Variants in MACO1 observed in about 807,000 individuals in gnomAD.
MACO1 encodes macoilin.
A neutral mutation model predicts 78.7 loss-of-function variants in MACO1; 14 were observed. That is an observed-to-expected ratio of 0.18 (90% CI 0.12 to 0.28). The LOEUF (loss-of-function observed/expected upper bound fraction) is 0.28. MACO1 is among the 10% of genes least tolerant of loss of function. The probability of loss-of-function intolerance (pLI) is 1.00; values close to 1 mark genes in which losing one functional copy is unlikely to be tolerated. For missense variants in MACO1, 501 were observed against 799.0 expected (o/e 0.63, Z 4.50); for synonymous variants, 288 against 291.6 (o/e 0.99, Z 0.12).
intron 6 of MACO1, among the ~76,000 whole-genome samples, chr1:25,469,488 C>T (rs963952285): frequency 2.0e-5 from 3 of 152,128 alleles, no homozygotes; most frequent in Admixed American, 6.6e-5. Flanking sequence ...ATGTTAAAAA[C>T]GATCAGCTTT....
At chr1:25,463,028 A>G (rs923814795) in intron 6 of MACO1, among the ~76,000 whole-genome samples, 1 of 152,198 alleles carries the variant, frequency 6.6e-6, no homozygotes, top group Non-Finnish European at 1.5e-5. Flanking sequence ...TATGGCCTGC[A>G]AAGCCAAAAG....
intron 6 of MACO1, among the ~76,000 whole-genome samples, chr1:25,466,002 C>T (rs1448320953): frequency 6.6e-6 from 1 of 151,528 alleles, no homozygotes; most frequent in African/African-American, 2.5e-5. Context: ...TTTCTTTATC[C>T]AGTCATCCAT....
At chr1:25,457,979 T>C (rs1462141165) in intron 5 of MACO1, among the ~76,000 whole-genome samples, 1 of 152,202 alleles carries the variant, frequency 6.6e-6, no homozygotes, top group Non-Finnish European at 1.5e-5. Context: ...AGTAAAGTTA[T>C]TAACAGTTCG....
In MACO1 at chr1:25,459,477, A is replaced by G. The variant is rs1021052599; in HGVS notation, c.1154+585A>G. Among the ~76,000 whole-genome samples the G allele has an allele frequency of 5.0e-4, 64 of 127,158 alleles. 1 individual carries two copies. The highest frequency in any genetic ancestry group is 1.5e-4 in the Non-Finnish European group (9 of 59,306). 83.4% of individuals were successfully genotyped at this position (127,158 alleles called of 152,430 possible). On this transcript the variant is annotated intron_variant, in intron 6 of 10. Transcript: ENST00000374343. Reference sequence around the variant, plus strand: ...TTAGGAATGTTGCTTTTCTCATTTTAATTAAAAGAATTTTTTTTTTTTTTT... The same window carrying G: ...TTAGGAATGTTGCTTTTCTCATTTTGATTAAAAGAATTTTTTTTTTTTTTT...
chr1:25,482,615 G>C (rs943533278), intron 6 of MACO1, among the ~76,000 whole-genome samples: 1 of 152,106 alleles, frequency 6.6e-6, no homozygotes, highest in African/African-American at 2.4e-5. Context: ...ATCTCTACCT[G>C]CTCTGCAAAG....
intron 6 of MACO1, among the ~76,000 whole-genome samples, chr1:25,460,368 ATC>A (rs747385126): frequency 6.6e-6 from 1 of 151,518 alleles, no homozygotes; most frequent in Non-Finnish European, 1.5e-5. Flanking sequence ...TACACAAAAC[ATC>A]TGTCACAGCT....
At chr1:25,476,299 G>T (rs2043321316) in intron 6 of MACO1, among the ~76,000 whole-genome samples, 1 of 152,210 alleles carries the variant, frequency 6.6e-6, no homozygotes, top group Non-Finnish European at 1.5e-5. Flanking sequence ...AGATTATGGA[G>T]CAGAGACATA....
chr1:25,434,682 CTT>C (rs1223133407), intron 1 of MACO1, among the ~76,000 whole-genome samples: 1 of 152,128 alleles, frequency 6.6e-6, no homozygotes, highest in Non-Finnish European at 1.5e-5. Context: ...ATGAGGGAGT[CTT>C]TTCTATCTCA....
chr1:25,436,898 G>T (rs1425091971), intron 1 of MACO1, among the ~76,000 whole-genome samples: 5 of 152,034 alleles, frequency 3.3e-5, no homozygotes, highest in Admixed American at 6.5e-5. Context: ...TGAGTCATGG[G>T]ATTGTGGCAC....
intron 6 of MACO1, 30 bp downstream of exon 6, chr1:25,458,922 A>G (rs1354093701): frequency 6.3e-7 from 1 of 1,583,378 alleles, no homozygotes; most frequent in Admixed American, 1.8e-5. Context: ...CCTTACTAAC[A>G]CTTTCCAGTA....
intron 6 of MACO1, among the ~76,000 whole-genome samples, chr1:25,463,423 C>T (rs1386033808): frequency 6.6e-6 from 1 of 152,180 alleles, no homozygotes; most frequent in African/African-American, 2.4e-5. Context: ...CTGGAGTACT[C>T]TGTTGGTTTT....
intron 6 of MACO1, among the ~76,000 whole-genome samples, chr1:25,464,268 G>A (rs1192612103): frequency 6.6e-6 from 1 of 150,814 alleles, no homozygotes; most frequent in African/African-American, 2.4e-5. Flanking sequence ...AGCCTTTTCA[G>A]ATTGACTTCT....
At chr1:25,451,060 A>G (rs2124579883) in intron 3 of MACO1, among the ~76,000 whole-genome samples, 1 of 152,148 alleles carries the variant, frequency 6.6e-6, no homozygotes, top group East Asian at 1.9e-4. Flanking sequence ...AGCTAATGTC[A>G]TAAAATGCTA....
intron 9 of MACO1, among the ~76,000 whole-genome samples, chr1:25,491,071 C>T (rs926643168): frequency 3.3e-5 from 5 of 152,052 alleles, no homozygotes; most frequent in Non-Finnish European, 4.4e-5. Context: ...TTGGCAAGTT[C>T]GATTACAGCA....
At chr1:25,450,532 C>G (rs1301671852) in intron 3 of MACO1, among the ~76,000 whole-genome samples, 1 of 152,140 alleles carries the variant, frequency 6.6e-6, no homozygotes, top group Non-Finnish European at 1.5e-5. Flanking sequence ...AGAGAGGGAG[C>G]ACCAAATAAT....
chr1:25,436,934 TCTC>T (rs1386505123), intron 1 of MACO1, among the ~76,000 whole-genome samples: 2 of 152,112 alleles, frequency 1.3e-5, no homozygotes, highest in Non-Finnish European at 2.9e-5. Flanking sequence ...CCTCACCCCA[TCTC>T]CTCTGTTGCC....
In MACO1 at chr1:25,484,203, T is replaced by TTAAA; in HGVS notation, c.1243_1244insAAAT (p.Ser415Ter). 6.2e-7 allele frequency: 1 copy of TTAAA among 1,613,950 alleles called. No individual in the cohort carries two copies. The highest frequency in any genetic ancestry group is 8.5e-7 in the Non-Finnish European group (1 of 1,179,978). On this transcript the variant is annotated stop_gained and frameshift_variant, in exon 7 of 11. Coordinates refer to ENST00000374343, the MANE Select transcript of MACO1 (RefSeq NM_018202.6). LOFTEE classifies it high-confidence loss of function. ...AGCTCCGCAGTCAGATCAGCTCCCT[T>TTAAA]TCGAGCACCGAGCGAGGGATCCGCT... is the stretch of plus-strand genomic sequence containing the variant.
intron 1 of MACO1, among the ~76,000 whole-genome samples, chr1:25,431,816 G>C (rs768717766): frequency 9.2e-5 from 14 of 152,216 alleles, no homozygotes; most frequent in Non-Finnish European, 1.8e-4. Flanking sequence ...TCCAGATTCG[G>C]AAGGGTCTGA....
intron 2 of MACO1, among the ~76,000 whole-genome samples, chr1:25,448,176 T>C (rs2043032329): frequency 6.6e-6 from 1 of 152,036 alleles, no homozygotes; most frequent in East Asian, 1.9e-4. Flanking sequence ...AATTCTAGTT[T>C]TTTCAGGGCC....
Sources: allele counts gnomAD v4.1 joint callset (sites outside exome capture counted in the v4.1 genomes callset), GRCh38; gene constraint gnomAD v4.1.1; transcripts MANE v1.5; gene names NCBI Gene and HGNC (gene_info 2026-07-23, HGNC 2026-07-21).